The following TRIB2 variants were observed in gnomAD, a reference collection of about 807,000 sequenced individuals.
TRIB2 encodes tribbles pseudokinase 2.
In TRIB2, 2 loss-of-function variants were observed where a neutral mutation model predicts 26.8. The ratio of observed to expected loss-of-function variants is 0.07; its 90% CI spans 0.03 to 0.24. The LOEUF is 0.24. Among genes scored for constraint, TRIB2 ranks in the 10% least tolerant of loss-of-function variants. The probability of loss-of-function intolerance (pLI) is 1.00; values close to 1 mark genes in which losing one functional copy is unlikely to be tolerated. For synonymous variants in TRIB2, 189 were observed against 187.3 expected, an observed-to-expected ratio of 1.01 and a Z score of -0.08; for missense variants, 306 against 449.0, an observed-to-expected ratio of 0.68 and a Z score of 2.88.
At chr2:12,726,686 A>G (rs1454613816) in intron 2 of TRIB2, among the ~76,000 whole-genome samples, 3 of 152,258 alleles carry the variant, frequency 2.0e-5, no homozygotes, top group African/African-American at 7.2e-5. Flanking sequence ...GAAAAAGCAA[A>G]GAAGCAAATT....
At chr2:12,736,518 CA>C (rs1235306654) in intron 2 of TRIB2, among the ~76,000 whole-genome samples, 2 of 152,192 alleles carry the variant, frequency 1.3e-5, no homozygotes, top group African/African-American at 4.8e-5. Context: ...TTACAAAGCC[CA>C]TCCTCTGTAG....
chr2:12,733,887 G>C (rs1252385283), intron 2 of TRIB2, among the ~76,000 whole-genome samples: 4 of 152,066 alleles, frequency 2.6e-5, no homozygotes, highest in East Asian at 3.9e-4. Flanking sequence ...GATGGGGGTG[G>C]GGGGAGAATC....
intron 2 of TRIB2, among the ~76,000 whole-genome samples, chr2:12,735,072 ACT>A (rs1418622393): frequency 1.3e-5 from 2 of 151,648 alleles, no homozygotes; most frequent in Non-Finnish European, 2.9e-5. Flanking sequence ...CAGAGCTGAC[ACT>A]CACCCCCGCC....
At position 12,732,226 on chromosome 2, in the gene TRIB2, C is replaced by A. The variant is rs903027400; in HGVS notation, c.564-8100C>A. ...GATGGGAGTCGGGCAGGAATGTGCACCTGCATGCGGACAGGGCAGGGATTC... is the reference window on the plus strand; with the variant it reads ...GATGGGAGTCGGGCAGGAATGTGCAACTGCATGCGGACAGGGCAGGGATTC... On this transcript the variant is annotated intron_variant, in intron 2 of 2. Transcript: ENST00000155926. This position sits in a 1 kb window ranked among gnomAD's most constrained non-coding sequence, Gnocchi z 4.2. Among the ~76,000 whole-genome samples, 1 of 152,068 alleles carries A rather than the reference C, an allele frequency of 6.6e-6. No homozygotes were observed. Among genetic ancestry groups the A allele is most frequent in the African/African-American group, 2.4e-5 (1 of 41,388 alleles).
chr2:12,725,147 G>A (rs1036614492), intron 2 of TRIB2, among the ~76,000 whole-genome samples: 2 of 152,188 alleles, frequency 1.3e-5, no homozygotes, highest in African/African-American at 4.8e-5. Flanking sequence ...GTCTGCCAGA[G>A]GGCATGGGGA....
intron 1 of TRIB2, among the ~76,000 whole-genome samples, chr2:12,719,893 G>A (rs893905719): frequency 6.6e-6 from 1 of 152,192 alleles, no homozygotes; most frequent in Non-Finnish European, 1.5e-5. Context: ...GAGACCCAGA[G>A]CAACTGTGCC....
rs546566880 is a variant in TRIB2, at chr2:12,741,785, A to G, written c.*991A>G. 6.5e-6 allele frequency: 1 copy of G among 152,788 alleles called. No individual in the cohort carries two copies. Among genetic ancestry groups the G allele is most frequent in the African/African-American group, 2.4e-5 (1 of 41,586 alleles). 9.5% of individuals were successfully genotyped at this position (152,788 alleles called of 1,614,324 possible). A position where few individuals can be genotyped will look rare whatever the true frequency, so the allele number is the denominator to read the frequency against. On this transcript the variant is annotated 3_prime_UTR_variant, in exon 3 of 3. Transcript: ENST00000155926. ...AGTGAAACAAAGCAGGTTGTCCCAC[A>G]TGTATAAAATACAGGGCAGCTATTT... is the stretch of plus-strand genomic sequence containing the variant.
chr2:12,730,154 G>T (rs1572481963), intron 2 of TRIB2, among the ~76,000 whole-genome samples: 1 of 151,924 alleles, frequency 6.6e-6, no homozygotes, highest in East Asian at 1.9e-4. Context: ...TAATATCTAG[G>T]GCCCACCATG....
intron 2 of TRIB2, among the ~76,000 whole-genome samples, chr2:12,739,890 G>A (rs1007947877): frequency 8.5e-5 from 13 of 152,204 alleles, no homozygotes; most frequent in Non-Finnish European, 1.8e-4. Flanking sequence ...TTAGTTACAC[G>A]TCTGCCAAAA....
rs1239348823 is a variant in TRIB2 at position 12,732,122 on chromosome 2, G to A, written c.564-8204G>A. On this transcript the variant is annotated intron_variant, in intron 2 of 2. Transcript: ENST00000155926. This position sits in a 1 kb window ranked among gnomAD's most constrained non-coding sequence, Gnocchi z 4.2. The stretch of plus-strand genomic sequence containing the variant: ...GTGAAGCCCTGGCGGCCTGCAGGCT[G>A]TGCTTGTGTGGTGTCTGCATGGGGG... 2.6e-5 allele frequency among the ~76,000 whole-genome samples: 4 copies of A among 152,180 alleles called. No homozygotes were observed. In the East Asian group the frequency reaches 5.8e-4, roughly 22 times the overall value.
rs879246261 is a variant in TRIB2, at chr2:12,718,541, C to G, written c.234C>G (p.Ala78=). The stretch of plus-strand genomic sequence containing the variant: ...TGGAGGGAGACCACGTTTTTCGTGC[C>G]GTGCATCTGCACAGCGGAGAGGAGC... ...EPLEGDHVFR[A]VHLHSGEELV... The change falls in exon 1 of 3, where the codon GCC becomes GCG. Residue 78 remains alanine (A), a synonymous_variant. Coordinates refer to ENST00000155926, the MANE Select transcript of TRIB2 (RefSeq NM_021643.4). This position sits in a 1 kb window ranked among gnomAD's most constrained non-coding sequence, Gnocchi z 4.0. 8.7e-6 allele frequency: 14 copies of G among 1,614,092 alleles called. No individual in the cohort carries two copies. The South Asian group carries it at 1.2e-4, about 14-fold the overall frequency.
At chr2:12,730,715 T>C (rs536277006) in intron 2 of TRIB2, among the ~76,000 whole-genome samples, 1 of 152,372 alleles carries the variant, frequency 6.6e-6, no homozygotes, top group South Asian at 2.1e-4. Context: ...TGTGTGACCA[T>C]TGATGCCATG....
chr2:12,733,835 A>G (rs939541962), intron 2 of TRIB2, among the ~76,000 whole-genome samples: 10 of 152,022 alleles, frequency 6.6e-5, no homozygotes, highest in Admixed American at 6.6e-5. Context: ...TGGTAGTTCA[A>G]CTTAGTGGCG....
intron 2 of TRIB2, among the ~76,000 whole-genome samples, chr2:12,736,229 G>A (rs1213195466): frequency 1.3e-5 from 2 of 152,170 alleles, no homozygotes; most frequent in African/African-American, 4.8e-5. Context: ...CACAGTCGGG[G>A]AAGCACAATC....
Position 12,723,252 on chromosome 2 carries a change from T to C in TRIB2, c.271-8T>C. The C allele has an allele frequency of 1.2e-6, 2 of 1,609,422 alleles. No homozygotes were observed. Among genetic ancestry groups the C allele is most frequent in the Non-Finnish European group, 1.7e-6 (2 of 1,178,660 alleles). ...CTGACTTTGGTCTTACTGTTAATCC[T>C]GTCGTAGGTGTTTGATATCAGCTGC... On this transcript the variant is annotated splice_polypyrimidine_tract_variant and splice_region_variant and intron_variant, in intron 1 of 2. Coordinates refer to ENST00000155926, the MANE Select transcript of TRIB2 (RefSeq NM_021643.4).
chr2:12,725,697 G>T (rs1661327102), intron 2 of TRIB2, among the ~76,000 whole-genome samples: 1 of 152,234 alleles, frequency 6.6e-6, no homozygotes, highest in Admixed American at 6.5e-5. Flanking sequence ...AGTATCCAGT[G>T]TGAATGTGAA....
In TRIB2 at chr2:12,740,755, C is replaced by A; in HGVS notation, c.993C>A (p.Asp331Glu). The A allele has an allele frequency of 6.2e-7, 1 of 1,614,124 alleles. No individual in the cohort carries two copies. Among genetic ancestry groups the A allele is most frequent in the Non-Finnish European group, 8.5e-7 (1 of 1,180,028 alleles). ...AAGTGTCTGACCAGCTGGTGCCGGA[C>A]GTCAACATGGAAGAGAACTTGGACC... is the stretch of plus-strand genomic sequence containing the variant. Reference protein sequence around the residue: ...AKEVSDQLVPDVNMEENLDPF... With the variant: ...AKEVSDQLVPEVNMEENLDPF... The change falls in exon 3 of 3, where the codon GAC (aspartate) becomes GAA (glutamate). Residue 331 changes from aspartate (D) to glutamate (E), a missense_variant. Transcript: ENST00000155926. The surrounding 1 kb of genome is among the most constrained non-coding windows in gnomAD (Gnocchi z 5.8).
intron 1 of TRIB2, among the ~76,000 whole-genome samples, chr2:12,722,710 G>C (rs1403282852): frequency 6.6e-6 from 1 of 152,170 alleles, no homozygotes. Context: ...CTCATTCTCT[G>C]AGCCTCAGTT....
rs1661691475 is a variant in TRIB2, at chr2:12,740,568, G to T, written c.806G>T (p.Gly269Val). The stretch of plus-strand genomic sequence containing the variant: ...TCCCTCTTCAGCAAGATCCGGCGTG[G>T]CCAGTTCAACATTCCAGAGACTCTG... ...PSSLFSKIRR[G>V]QFNIPETLSP... Residue 269 changes from glycine to valine, a missense_variant, in exon 3 of 3, where the codon GGC (glycine) becomes GTC (valine). Gly to Val is a moderately radical substitution (Grantham distance 109, BLOSUM62 -3). Transcript: ENST00000155926. The surrounding 1 kb of genome is among the most constrained non-coding windows in gnomAD (Gnocchi z 5.8). The T allele has an allele frequency of 6.2e-7, 1 of 1,614,158 alleles. No homozygotes were observed. Among genetic ancestry groups the T allele is most frequent in the East Asian group, 2.2e-5 (1 of 44,870 alleles).
Sources: allele counts gnomAD v4.1 joint callset (sites outside exome capture counted in the v4.1 genomes callset), GRCh38; gene constraint gnomAD v4.1.1; non-coding constraint Gnocchi (gnomAD v3.1); transcripts MANE v1.5; gene names NCBI Gene and HGNC (gene_info 2026-07-23, HGNC 2026-07-21).